The following STX2 variants were observed in gnomAD, a reference collection of about 807,000 sequenced individuals.
STX2 encodes syntaxin-2.
A neutral mutation model predicts 40.6 loss-of-function variants in STX2; 27 were observed. That is an observed-to-expected ratio of 0.66 (90% CI 0.49 to 0.92). The LOEUF is 0.92. Ranked by LOEUF, STX2 falls within the 40% of genes least tolerant of loss-of-function variation. The pLI is 0.00. For synonymous variants in STX2, 123 were observed against 119.1 expected (o/e 1.03, Z -0.22); for missense variants, 328 against 366.1 (o/e 0.90, Z 0.85).
intron 10 of STX2, among the ~76,000 whole-genome samples, chr12:130,794,103 G>A (rs1318764065): frequency 1.3e-5 from 2 of 152,154 alleles, no homozygotes; most frequent in Non-Finnish European, 2.9e-5. Context: ...GCTACAAATT[G>A]TAATTTTATC....
chr12:130,806,565 C>T (rs1951441599), intron 6 of STX2, among the ~76,000 whole-genome samples: 3 of 152,180 alleles, frequency 2.0e-5, no homozygotes, highest in Admixed American at 6.5e-5. Context: ...TCTCCACTGC[C>T]ACAGCCAACT....
chr12:130,798,870 G>A (rs978201156), intron 8 of STX2, among the ~76,000 whole-genome samples: 1 of 152,230 alleles, frequency 6.6e-6, no homozygotes, highest in Non-Finnish European at 1.5e-5. Flanking sequence ...GGGCCACCAT[G>A]TTGATAATTA....
At chr12:130,792,112 A>C in intron 10 of STX2, 135 bp from the exon 11 acceptor site, 1 of 561,284 alleles carries the variant, frequency 1.8e-6, no homozygotes, top group Non-Finnish European at 3.1e-6. Flanking sequence ...TCCATGTCAT[A>C]GAAAAGAATG....
chr12:130,816,320 G>A (rs1052882285), intron 3 of STX2, among the ~76,000 whole-genome samples: 13 of 152,320 alleles, frequency 8.5e-5, no homozygotes, highest in African/African-American at 3.1e-4. Context: ...GGCCACAGCA[G>A]GACTCACTCC....
chr12:130,831,314 A>G (rs912916643), intron 1 of STX2, among the ~76,000 whole-genome samples: 3 of 152,232 alleles, frequency 2.0e-5, no homozygotes, highest in African/African-American at 7.2e-5. Flanking sequence ...ACTTTGACTT[A>G]CTTTTCACAA....
intron 1 of STX2, among the ~76,000 whole-genome samples, chr12:130,829,393 C>A (rs1321867859): frequency 6.6e-6 from 1 of 152,222 alleles, no homozygotes; most frequent in Admixed American, 6.5e-5. Flanking sequence ...GTGCAGGGAT[C>A]ACTCGCAGGG....
At chr12:130,832,882 C>G (rs977478318) in intron 1 of STX2, among the ~76,000 whole-genome samples, 11 of 152,192 alleles carry the variant, frequency 7.2e-5, no homozygotes, top group Non-Finnish European at 1.3e-4. Flanking sequence ...CACCCTCCCC[C>G]AGCCCTGTCC....
chr12:130,813,550 C>T (rs1421215972), intron 3 of STX2, among the ~76,000 whole-genome samples: 1 of 152,194 alleles, frequency 6.6e-6, no homozygotes, highest in African/African-American at 2.4e-5. Context: ...CCTGGCCTGG[C>T]TTCTCAGACA....
chr12:130,792,210 G>A (rs375651338), intron 10 of STX2, among the ~76,000 whole-genome samples: 3 of 152,006 alleles, frequency 2.0e-5, no homozygotes, highest in East Asian at 3.9e-4. Context: ...ACAGGAACCC[G>A]CCACCACGCC....
At chr12:130,837,322 C>G (rs78646082) in intron 1 of STX2, among the ~76,000 whole-genome samples, 2,189 of 152,170 alleles carry the variant, frequency 0.014, 60 homozygotes, top group African/African-American at 0.05. Context: ...GAAACAGAGT[C>G]TCTTTCTGTT....
In STX2 at chr12:130,801,146, T is replaced by C. The variant is rs200687017; in HGVS notation, c.675+7A>G. 9.3e-6 allele frequency: 15 copies of C among 1,608,774 alleles called. No homozygotes were observed. The East Asian group carries it at 2.7e-4, about 29-fold the overall frequency. Reference sequence around the variant, plus strand: ...CTCTCTTGGAGAATGCAAGAGTCTGTAACTACCTGAGTCTCCACAAACATA... The same window carrying C: ...CTCTCTTGGAGAATGCAAGAGTCTGCAACTACCTGAGTCTCCACAAACATA... On this transcript the variant is annotated splice_region_variant and intron_variant, in intron 8 of 10. Transcript: ENST00000392373.
intron 6 of STX2, among the ~76,000 whole-genome samples, chr12:130,803,666 C>CAAAA (rs869033438): frequency 1.4e-3 from 23 of 16,724 alleles, no homozygotes; most frequent in Non-Finnish European, 2.4e-3. Flanking sequence ...GGCTCTCTCT[C>CAAAA]AAAAAAAAAA....
At chr12:130,837,814 G>A (rs1952796762) in intron 1 of STX2, among the ~76,000 whole-genome samples, 1 of 152,184 alleles carries the variant, frequency 6.6e-6, no homozygotes, top group Non-Finnish European at 1.5e-5. Flanking sequence ...CTGTGTTTAA[G>A]ATGATATTGA....
At chr12:130,824,055 T>C (rs1365928064) in intron 2 of STX2, among the ~76,000 whole-genome samples, 1 of 152,204 alleles carries the variant, frequency 6.6e-6, no homozygotes, top group Non-Finnish European at 1.5e-5. Flanking sequence ...CAGGGACTCC[T>C]AACCCAAGCC....
At position 130,827,060 on chromosome 12, in the gene STX2, A is replaced by G. The variant is rs1952341358; in HGVS notation, c.105+133T>C. The G allele has an allele frequency of 1.8e-5, 10 of 559,538 alleles. 1 individual carries two copies. The South Asian group carries it at 2.1e-4, about 12-fold the overall frequency. The allele number at this position is 559,538 out of a possible 1,614,324, so 34.7% of individuals were successfully genotyped here. ...AGAAAAAGAAAGAAGGGAGGAAGAA[A>G]GGAAGGGAGGGAGGGAGGGGTGGGG... On this transcript the variant is annotated intron_variant, in intron 2 of 10. Transcript: ENST00000392373.
chr12:130,808,577 T>C (rs1156407815), intron 5 of STX2, 54 bp downstream of exon 5: 1 of 1,487,142 alleles, frequency 6.7e-7, no homozygotes, highest in African/African-American at 1.4e-5. Flanking sequence ...AAGAAGAAAG[T>C]AAAAACACTT....
At chr12:130,801,101 AT>A (rs1951207208) in intron 8 of STX2, 51 bp downstream of exon 8, 2 of 1,565,040 alleles carry the variant, frequency 1.3e-6, no homozygotes, top group Admixed American at 1.8e-5. Flanking sequence ...ATGCAGTAAG[AT>A]TTTACACATG....
rs879059651 is a variant in STX2 at position 130,791,525 on chromosome 12, C to CA, written c.*497dup. ...TGGATGACAAAGCGAGACTCCGTCT[C>CA]AAAAAAAAAAAAAAAAGCCTTCATA... On this transcript the variant is annotated 3_prime_UTR_variant, in exon 11 of 11. Coordinates refer to ENST00000392373, the MANE Select transcript of STX2 (RefSeq NM_194356.4). 383 of 71,940 alleles carry CA rather than the reference C, an allele frequency of 5.3e-3. 1 individual carries two copies. The highest frequency in any genetic ancestry group is 0.023 in the South Asian group (51 of 2,196). The allele number at this position is 71,940 out of a possible 1,614,324, so 4.5% of individuals were successfully genotyped here. A position where few individuals can be genotyped will look rare whatever the true frequency, so the allele number is the denominator to read the frequency against.
chr12:130,802,341 G>A (rs1186563686), intron 6 of STX2, among the ~76,000 whole-genome samples: 4 of 152,172 alleles, frequency 2.6e-5, no homozygotes, highest in Non-Finnish European at 4.4e-5. Context: ...GGGACTACAC[G>A]CGTGCGTCAC....
Sources: gnomAD v4.1 joint callset for allele counts (sites outside exome capture counted in the v4.1 genomes callset) on GRCh38, gnomAD v4.1.1 for gene constraint, MANE v1.5 for transcripts, NCBI Gene and HGNC (gene_info 2026-07-23, HGNC 2026-07-21) for gene names.